The following ADAMTS3 variants were observed in gnomAD, a reference collection of about 807,000 sequenced individuals.
The protein encoded by ADAMTS3 is ADAM metallopeptidase with thrombospondin type 1 motif 3.
A neutral mutation model predicts 129.0 loss-of-function variants in ADAMTS3; 73 were observed. The observed-to-expected ratio is 0.57, with a 90% CI of 0.47 to 0.69. ADAMTS3 has a LOEUF of 0.69. Ranked by LOEUF, ADAMTS3 falls within the 30% of genes least tolerant of loss-of-function variation. The probability of loss-of-function intolerance (pLI) is 0.00; values close to 1 mark genes in which losing one functional copy is unlikely to be tolerated. For synonymous variants in ADAMTS3, 477 were observed against 510.8 expected (o/e 0.93, Z 0.89); for missense variants, 1,457 against 1,514.5 (o/e 0.96, Z 0.63).
intron 4 of ADAMTS3, among the ~76,000 whole-genome samples, chr4:72,386,642 A>G (rs1430761052): frequency 1.3e-5 from 2 of 152,184 alleles, no homozygotes; most frequent in African/African-American, 4.8e-5. Flanking sequence ...GAAAGCAACC[A>G]GACAAACACA....
intron 3 of ADAMTS3, among the ~76,000 whole-genome samples, chr4:72,512,111 G>T (rs1720331725): frequency 6.6e-6 from 1 of 152,144 alleles, no homozygotes; most frequent in Non-Finnish European, 1.5e-5. Flanking sequence ...GTTACCAGAG[G>T]CTGGGAAGGG....
chr4:72,516,220 T>A (rs1250147911), intron 3 of ADAMTS3, among the ~76,000 whole-genome samples: 1 of 152,180 alleles, frequency 6.6e-6, no homozygotes, highest in Non-Finnish European at 1.5e-5. Flanking sequence ...ACCAGTACCA[T>A]GCTGTTTTGG....
intron 2 of ADAMTS3, among the ~76,000 whole-genome samples, chr4:72,557,691 G>A (rs983196491): frequency 6.6e-6 from 1 of 151,446 alleles, no homozygotes; most frequent in Non-Finnish European, 1.5e-5. Flanking sequence ...GTTCAAAAAA[G>A]CCATTTAGGA....
chr4:72,365,125 T>C (rs1720837882), intron 4 of ADAMTS3, among the ~76,000 whole-genome samples: 1 of 152,078 alleles, frequency 6.6e-6, no homozygotes. Flanking sequence ...GTAACGAAAA[T>C]AAGGACAATA....
intron 4 of ADAMTS3, among the ~76,000 whole-genome samples, chr4:72,374,567 C>T (rs1560491782): frequency 6.6e-6 from 1 of 152,024 alleles, no homozygotes; most frequent in Non-Finnish European, 1.5e-5. Flanking sequence ...TGAAAATAAA[C>T]CCTTCCATAA....
chr4:72,339,946 A>C (rs3828534), intron 4 of ADAMTS3, among the ~76,000 whole-genome samples: 15,927 of 152,172 alleles, frequency 0.1, 1,720 homozygotes, highest in East Asian at 0.26. Context: ...TCATGGCAGA[A>C]GGACTATTCT....
Position 72,414,843 on chromosome 4 carries a change from T to C in ADAMTS3, c.633A>G (p.Ile211Met), listed in dbSNP as rs373258350. ...TGTAGTGGAAGTCTTTGGACATGTC[T>C]ATGGGAGCCTGTTCTACAGCTGATC... is the stretch of plus-strand genomic sequence containing the variant. ...YKRSAVEQAP[I>M]DMSKDFHYRE... Residue 211 changes from isoleucine (I) to methionine (M), a missense_variant, in exon 4 of 22, where the codon ATA (isoleucine) becomes ATG (methionine). Ile to Met is a conservative substitution (Grantham distance 10). Transcript: ENST00000286657. 164 of 1,536,370 alleles carry C rather than the reference T, an allele frequency of 1.1e-4. No homozygotes were observed. The highest frequency in any genetic ancestry group is 1.4e-4 in the Non-Finnish European group (159 of 1,146,632).
At chr4:72,453,881 T>C (rs1285892375) in intron 3 of ADAMTS3, among the ~76,000 whole-genome samples, 1 of 148,892 alleles carries the variant, frequency 6.7e-6, no homozygotes, top group Non-Finnish European at 1.5e-5. Context: ...ATTTATATTA[T>C]ACTATATTAT....
At chr4:72,363,451 G>C (rs540698911) in intron 4 of ADAMTS3, among the ~76,000 whole-genome samples, 1 of 152,210 alleles carries the variant, frequency 6.6e-6, no homozygotes, top group East Asian at 1.9e-4. Context: ...AATAAAAAAG[G>C]CCATCCTCCC....
At chr4:72,438,426 T>C (rs1036000938) in intron 3 of ADAMTS3, among the ~76,000 whole-genome samples, 10 of 151,802 alleles carry the variant, frequency 6.6e-5, no homozygotes, top group Non-Finnish European at 1.5e-4. Flanking sequence ...GTCCATTACA[T>C]GGTAAAATAA....
At chr4:72,303,770 G>A in intron 17 of ADAMTS3, 147 bp downstream of exon 17, 2 of 733,470 alleles carry the variant, frequency 2.7e-6, no homozygotes, top group East Asian at 2.7e-5. Context: ...CAAAGAGTGG[G>A]GGGAAAGATA....
intron 2 of ADAMTS3, among the ~76,000 whole-genome samples, chr4:72,558,074 A>G (rs1721811770): frequency 6.6e-6 from 1 of 151,898 alleles, no homozygotes; most frequent in Non-Finnish European, 1.5e-5. Flanking sequence ...AGCTATAAAA[A>G]TTAACATTTG....
rs865986107 is a variant in ADAMTS3, at chr4:72,529,940, A to C, written c.504+18538T>G. Among the ~76,000 whole-genome samples, 78 of 54,206 alleles carry C rather than the reference A, an allele frequency of 1.4e-3. 2 individuals carry two copies. The highest frequency in any genetic ancestry group is 5.7e-3 in the African/African-American group (76 of 13,302). The allele number at this position is 54,206 out of a possible 152,430, so 35.6% of individuals were successfully genotyped here. Reference sequence around the variant, plus strand: ...TTATAAATATTATATAATATATTATATTTATATATAATATATAATATATTA... The same window carrying C: ...TTATAAATATTATATAATATATTATCTTTATATATAATATATAATATATTA... On this transcript the variant is annotated intron_variant, in intron 3 of 21. Transcript: ENST00000286657.
intron 3 of ADAMTS3, among the ~76,000 whole-genome samples, chr4:72,496,351 T>A (rs1719872624): frequency 6.6e-6 from 1 of 152,198 alleles, no homozygotes; most frequent in African/African-American, 2.4e-5. Flanking sequence ...TTTAGAGATG[T>A]TTTACCAGTG....
At chr4:72,413,416 CT>C (rs1324709340) in intron 4 of ADAMTS3, among the ~76,000 whole-genome samples, 7 of 151,992 alleles carry the variant, frequency 4.6e-5, no homozygotes, top group Non-Finnish European at 8.8e-5. Flanking sequence ...AACCTACTAT[CT>C]TTTCCTTAAC....
At position 72,286,789 on chromosome 4, in the gene ADAMTS3, C is replaced by T. The variant is rs370387811; in HGVS notation, c.3049+1962G>A. Among the ~76,000 whole-genome samples the T allele has an allele frequency of 1.0e-3, 156 of 151,808 alleles. 2 individuals are homozygous for T. The South Asian group carries it at 0.016, about 16-fold the overall frequency. ...AACAAGGCAGGAGAAGAAAATATAA[C>T]GGAAGAGAGAGTGCAACAAACAGAT... On this transcript the variant is annotated intron_variant, in intron 21 of 21. Transcript: ENST00000286657.
Position 72,568,777 on chromosome 4 carries a change from A to G in ADAMTS3, c.-15T>C, listed in dbSNP as rs1251883952. On this transcript the variant is annotated 5_prime_UTR_variant, in exon 1 of 22. Coordinates refer to ENST00000286657, the MANE Select transcript of ADAMTS3 (RefSeq NM_014243.3). ...AGGAGAACCATCACGAGTCGAGTTC[A>G]CTTTCCAACTACTGGGCAAAGCAAA... The G allele has an allele frequency of 1.9e-6, 3 of 1,611,710 alleles. No individual in the cohort carries two copies.
At chr4:72,468,334 G>A (rs1383930) in intron 3 of ADAMTS3, among the ~76,000 whole-genome samples, 1 of 151,842 alleles carries the variant, frequency 6.6e-6, no homozygotes, top group African/African-American at 2.4e-5. Flanking sequence ...GTTTACAGGA[G>A]TCTTAAGAAA....
intron 19 of ADAMTS3, among the ~76,000 whole-genome samples, chr4:72,293,065 C>T (rs1718717632): frequency 6.6e-6 from 1 of 152,076 alleles, no homozygotes; most frequent in Admixed American, 6.6e-5. Flanking sequence ...GAAGTCACAG[C>T]AACATAATTT....
Sources: allele counts gnomAD v4.1 joint callset (sites outside exome capture counted in the v4.1 genomes callset), GRCh38; gene constraint gnomAD v4.1.1; transcripts MANE v1.5; gene names NCBI Gene and HGNC (gene_info 2026-07-23, HGNC 2026-07-21).